PPM1H: variants seen among roughly 807,000 people sequenced by gnomAD.
PPM1H encodes protein phosphatase, Mg2+/Mn2+ dependent 1H.
A neutral mutation model predicts 54.9 loss-of-function variants in PPM1H; 27 were observed. The ratio of observed to expected loss-of-function variants is 0.49; its 90% CI spans 0.36 to 0.68. PPM1H has a LOEUF of 0.68. Ranked by LOEUF, PPM1H falls within the 30% of genes least tolerant of loss-of-function variation. PPM1H has a pLI of 0.00. For missense variants in PPM1H, 596 were observed against 667.8 expected (o/e 0.89, Z 1.19); for synonymous variants, 305 against 270.8 (o/e 1.13, Z -1.24).
In PPM1H at chr12:62,824,769, T is replaced by G. The variant is rs543531796; in HGVS notation, c.411+7345A>C. 2.6e-5 allele frequency among the ~76,000 whole-genome samples: 4 copies of G among 152,280 alleles called. No homozygotes were observed. The South Asian group carries it at 8.3e-4, about 32-fold the overall frequency. ...ATTAATTGAAGATGGATTAAAGACT[T>G]AAATGTTAGACCCAAAATCATAAAA... On this transcript the variant is annotated intron_variant, in intron 2 of 9. Transcript: ENST00000228705.
intron 6 of PPM1H, among the ~76,000 whole-genome samples, chr12:62,715,333 G>T (rs944798838): frequency 1.3e-5 from 2 of 152,110 alleles, no homozygotes; most frequent in Non-Finnish European, 2.9e-5. Context: ...GAGAGCCAAG[G>T]GGGTGATAGG....
intron 1 of PPM1H, among the ~76,000 whole-genome samples, chr12:62,919,049 A>C (rs547908277): frequency 1.6e-4 from 25 of 152,348 alleles, no homozygotes; most frequent in African/African-American, 5.3e-4. Context: ...AATTTTTACA[A>C]GAGAAACTTT....
At chr12:62,900,000 G>A (rs1871108531) in intron 1 of PPM1H, among the ~76,000 whole-genome samples, 1 of 152,202 alleles carries the variant, frequency 6.6e-6, no homozygotes, top group African/African-American at 2.4e-5. Context: ...TAGGAAGTCT[G>A]CAGTTTACAA....
intron 4 of PPM1H, among the ~76,000 whole-genome samples, chr12:62,785,241 A>G (rs1241482476): frequency 6.6e-6 from 1 of 152,192 alleles, no homozygotes; most frequent in East Asian, 1.9e-4. Context: ...CAGTGGCACA[A>G]TCTTGGCTCA....
chr12:62,871,188 T>C (rs191119151), intron 1 of PPM1H, among the ~76,000 whole-genome samples: 1 of 152,238 alleles, frequency 6.6e-6, no homozygotes, highest in African/African-American at 2.4e-5. Context: ...GATATATCCA[T>C]ACAATGGAAT....
In PPM1H at chr12:62,841,874, G is replaced by A. The variant is rs115899819; in HGVS notation, c.246-9595C>T. On this transcript the variant is annotated intron_variant, in intron 1 of 9. Transcript: ENST00000228705. ...TAGATTTCCCCCCATAAATATCAGC[G>A]TTTTCTTCTTCATATTGGTTGTTTA... 4.1e-3 allele frequency among the ~76,000 whole-genome samples: 618 copies of A among 152,214 alleles called. 5 individuals are homozygous for A. Among genetic ancestry groups the A allele is most frequent in the African/African-American group, 0.014 (573 of 41,524 alleles).
chr12:62,732,860 C>T (rs2076330375), intron 5 of PPM1H, among the ~76,000 whole-genome samples: 1 of 151,942 alleles, frequency 6.6e-6, no homozygotes, highest in Non-Finnish European at 1.5e-5. Context: ...TTTGATTTAC[C>T]CTAAGAACAA....
intron 4 of PPM1H, among the ~76,000 whole-genome samples, chr12:62,744,167 A>T (rs928790435): frequency 8.9e-4 from 5 of 5,620 alleles, no homozygotes; most frequent in African/African-American, 4.9e-3. Flanking sequence ...ATACAGTCAT[A>T]AAAAAAAAAA....
Position 62,919,891 on chromosome 12 carries a change from G to C in PPM1H, c.245+14601C>G, listed in dbSNP as rs144624763. The stretch of plus-strand genomic sequence containing the variant: ...ACTAAACTGATGACAGGGGAATGGG[G>C]AGAAGAGGACAGGCAGGGCTTCAAG... On this transcript the variant is annotated intron_variant, in intron 1 of 9. Coordinates refer to ENST00000228705, the MANE Select transcript of PPM1H (RefSeq NM_020700.2). Among the ~76,000 whole-genome samples, 464 of 151,630 alleles carry C rather than the reference G, an allele frequency of 3.1e-3. 3 individuals carry two copies. Among genetic ancestry groups the C allele is most frequent in the African/African-American group, 0.01 (431 of 41,196 alleles).
chr12:62,794,584 G>A (rs1592602538), intron 3 of PPM1H, among the ~76,000 whole-genome samples: 2 of 152,042 alleles, frequency 1.3e-5, no homozygotes, highest in South Asian at 2.1e-4. Context: ...AGATCCTCCC[G>A]GCTATGTCCA....
At chr12:62,659,052 A>G (rs951228716) in intron 9 of PPM1H, 8 of 726,240 alleles carry the variant, frequency 1.1e-5, no homozygotes, top group Non-Finnish European at 1.8e-5. Flanking sequence ...GAAGTTCCTG[A>G]TCCACAGCGT....
At chr12:62,920,408 C>T (rs1427754902) in intron 1 of PPM1H, among the ~76,000 whole-genome samples, 1 of 151,756 alleles carries the variant, frequency 6.6e-6, no homozygotes, top group African/African-American at 2.4e-5. Context: ...CTCACTGCAG[C>T]CTTGACCTGC....
rs2075778585 is a variant in PPM1H, at chr12:62,645,231, C to T, written c.*3258G>A. ...CTCTCATTCTTGCCCACCACCATCTCCCTGTGGCTGTCATTCTTCCCTGGA... is the reference window on the plus strand; with the variant it reads ...CTCTCATTCTTGCCCACCACCATCTTCCTGTGGCTGTCATTCTTCCCTGGA... On this transcript the variant is annotated 3_prime_UTR_variant, in exon 10 of 10. Transcript: ENST00000228705. 6.6e-6 allele frequency: 1 copy of T among 152,220 alleles called. No homozygotes were observed. Among genetic ancestry groups the T allele is most frequent in the African/African-American group, 2.4e-5 (1 of 41,440 alleles). 9.4% of individuals were successfully genotyped at this position (152,220 alleles called of 1,614,324 possible).
intron 4 of PPM1H, among the ~76,000 whole-genome samples, chr12:62,779,222 T>TA (rs1340802992): frequency 3.3e-5 from 5 of 151,844 alleles, no homozygotes; most frequent in South Asian, 2.1e-4. Flanking sequence ...AATATATATA[T>TA]TTTTTTAGTA....
At chr12:62,712,055 A>G (rs2120427753) in intron 6 of PPM1H, among the ~76,000 whole-genome samples, 1 of 152,364 alleles carries the variant, frequency 6.6e-6, no homozygotes. Flanking sequence ...GATGCAGAAC[A>G]TGCACATAGC....
At chr12:62,653,478 C>G (rs1263147560) in intron 9 of PPM1H, among the ~76,000 whole-genome samples, 1 of 152,142 alleles carries the variant, frequency 6.6e-6, no homozygotes, top group Non-Finnish European at 1.5e-5. Flanking sequence ...TGGTTCTTGT[C>G]CAAAGAACCA....
At chr12:62,846,030 G>T (rs552883725) in intron 1 of PPM1H, among the ~76,000 whole-genome samples, 1 of 152,156 alleles carries the variant, frequency 6.6e-6, no homozygotes, top group East Asian at 1.9e-4. Flanking sequence ...TCCATGCCTT[G>T]TCCAGGCCCT....
At chr12:62,697,849 C>T (rs78378847) in intron 6 of PPM1H, among the ~76,000 whole-genome samples, 273 of 152,032 alleles carry the variant, frequency 1.8e-3, no homozygotes, top group African/African-American at 6.4e-3. Context: ...TTATTTGTTA[C>T]GAGATAGCAA....
chr12:62,809,170 G>C (rs1349479948), intron 2 of PPM1H, among the ~76,000 whole-genome samples: 1 of 152,084 alleles, frequency 6.6e-6, no homozygotes, highest in Non-Finnish European at 1.5e-5. Context: ...TCCCACTTCA[G>C]CCTCCCAAGT....
Sources: allele counts gnomAD v4.1 joint callset (sites outside exome capture counted in the v4.1 genomes callset), GRCh38; gene constraint gnomAD v4.1.1; transcripts MANE v1.5; gene names NCBI Gene and HGNC (gene_info 2026-07-23, HGNC 2026-07-21).